The following SYK variants were observed in gnomAD, a reference collection of about 807,000 sequenced individuals.
SYK encodes tyrosine-protein kinase SYK.
Under a neutral mutation model 77.8 loss-of-function variants are expected in SYK, and 16 were observed. The ratio of observed to expected loss-of-function variants is 0.21; its 90% confidence interval spans 0.14 to 0.31. The LOEUF (loss-of-function observed/expected upper bound fraction) is 0.31, where lower values mean the gene tolerates loss of function less well. Among genes scored for constraint, SYK ranks in the 10% least tolerant of loss-of-function variants. The probability of loss-of-function intolerance (pLI) is 1.00; values close to 1 mark genes in which losing one functional copy is unlikely to be tolerated. For synonymous variants in SYK, 312 were observed against 308.7 expected (o/e 1.01, Z -0.11); for missense variants, 529 against 814.4 (o/e 0.65, Z 4.26).
intron 11 of SYK, among the ~76,000 whole-genome samples, chr9:90,879,900 T>A (rs1361619037): frequency 6.6e-6 from 1 of 152,140 alleles, no homozygotes; most frequent in African/African-American, 2.4e-5. Flanking sequence ...AATGAACCAA[T>A]AACAACTAAA....
chr9:90,867,515 T>C (rs1827555020), intron 7 of SYK, among the ~76,000 whole-genome samples: 1 of 152,218 alleles, frequency 6.6e-6, no homozygotes, highest in Non-Finnish European at 1.5e-5. Context: ...TCCGAAAATC[T>C]TTTCAAAGAT....
Position 90,844,246 on chromosome 9 carries a change from G to A in SYK, c.348G>A (p.Lys116=), listed in dbSNP as rs772293286. 6.2e-7 allele frequency: 1 copy of A among 1,614,054 alleles called. No homozygotes were observed. The highest frequency in any genetic ancestry group is 2.2e-5 in the East Asian group (1 of 44,880). The stretch of plus-strand genomic sequence containing the variant: ...ACCGGCCCCAAGGGGTGCAGCCCAA[G>A]ACTGGGCCCTTTGAGGATTTGAAGG... ...PFNRPQGVQP[K]TGPFEDLKEN... Residue 116 remains lysine (K), a synonymous_variant, in exon 2 of 14, where the codon AAG becomes AAA. Transcript: ENST00000375754.
At chr9:90,887,568 G>A (rs956784759) in intron 11 of SYK, among the ~76,000 whole-genome samples, 181 bp from the exon 12 acceptor site, 10 of 151,700 alleles carry the variant, frequency 6.6e-5, no homozygotes, top group Admixed American at 6.6e-4. Flanking sequence ...ACCACACCTG[G>A]CTAATTTTTG....
chr9:90,892,803 C>T (rs1197052890), intron 13 of SYK, among the ~76,000 whole-genome samples: 1 of 152,226 alleles, frequency 6.6e-6, no homozygotes, highest in Non-Finnish European at 1.5e-5. Flanking sequence ...CAGTGGGGGC[C>T]TCTGCCGAAT....
At chr9:90,872,601 G>A (rs1827774340) in intron 7 of SYK, among the ~76,000 whole-genome samples, 1 of 152,216 alleles carries the variant, frequency 6.6e-6, no homozygotes, top group South Asian at 2.1e-4. Flanking sequence ...CCACAGCACA[G>A]TCCTGTAATC....
At chr9:90,813,394 T>A (rs290233) in intron 1 of SYK, among the ~76,000 whole-genome samples, 1 of 151,854 alleles carries the variant, frequency 6.6e-6, no homozygotes, top group South Asian at 2.1e-4. Context: ...GTTTACACTT[T>A]TTAATAAAAT....
intron 3 of SYK, among the ~76,000 whole-genome samples, chr9:90,860,400 A>G (rs1485077152): frequency 1.3e-5 from 2 of 151,580 alleles, no homozygotes; most frequent in African/African-American, 4.9e-5. Flanking sequence ...AAACAGACTC[A>G]GTTCTCTCTT....
At chr9:90,849,723 C>G (rs764553924) in intron 3 of SYK, among the ~76,000 whole-genome samples, 4 of 152,234 alleles carry the variant, frequency 2.6e-5, no homozygotes, top group Non-Finnish European at 5.9e-5. Flanking sequence ...TTCGGGTTGT[C>G]TGGCCTCAAA....
chr9:90,812,776 TGTGA>T (rs896325469), intron 1 of SYK, among the ~76,000 whole-genome samples: 177 of 91,512 alleles, frequency 1.9e-3, no homozygotes, highest in Non-Finnish European at 6.8e-4. Context: ...TGTGTGTGTG[TGTGA>T]GAGAGAGAGA....
chr9:90,876,645 A>G (rs1827947710), intron 9 of SYK, among the ~76,000 whole-genome samples: 1 of 152,196 alleles, frequency 6.6e-6, no homozygotes, highest in South Asian at 2.1e-4. Flanking sequence ...ATGACTGTGG[A>G]CATAATTTCA....
At chr9:90,842,797 GTA>G (rs1826425785) in intron 1 of SYK, among the ~76,000 whole-genome samples, 3 of 149,440 alleles carry the variant, frequency 2.0e-5, no homozygotes, top group Non-Finnish European at 4.5e-5. Context: ...GTGTGTGTGT[GTA>G]CCATGAGGGA....
Position 90,898,167 on chromosome 9 carries a change from C to T in SYK, c.*2567C>T. ...CATCAGGGGCAGGCTGCCCTGGTGG[C>T]ATCACACTGGCTAGTGAGGCCGTGA... On this transcript the variant is annotated 3_prime_UTR_variant, in exon 14 of 14. Transcript: ENST00000375754. 1 of 230,666 alleles carries T rather than the reference C, an allele frequency of 4.3e-6. No individual in the cohort carries two copies. The highest frequency in any genetic ancestry group is 8.6e-6 in the Non-Finnish European group (1 of 116,412). 14.3% of individuals were successfully genotyped at this position (230,666 alleles called of 1,614,324 possible).
At chr9:90,807,759 G>A (rs1335542605) in intron 1 of SYK, among the ~76,000 whole-genome samples, 1 of 152,166 alleles carries the variant, frequency 6.6e-6, no homozygotes, top group Non-Finnish European at 1.5e-5. Flanking sequence ...ATATCCTTTA[G>A]TACAGGATTC....
intron 4 of SYK, among the ~76,000 whole-genome samples, chr9:90,863,839 G>A (rs975281390): frequency 6.6e-6 from 1 of 152,192 alleles, no homozygotes; most frequent in Admixed American, 6.5e-5. Context: ...CATTTTATGT[G>A]TGTGGCGTTC....
chr9:90,842,365 G>A (rs554984235), intron 1 of SYK, among the ~76,000 whole-genome samples: 106 of 150,892 alleles, frequency 7.0e-4, no homozygotes, highest in African/African-American at 2.2e-3. Flanking sequence ...GTGGTGTACC[G>A]TATGTGATGT....
At chr9:90,816,975 A>G (rs77497748) in intron 1 of SYK, among the ~76,000 whole-genome samples, 4,574 of 152,290 alleles carry the variant, frequency 0.03, 245 homozygotes, top group African/African-American at 0.1. Flanking sequence ...TATCTTGGCT[A>G]TTGCGAATAG....
chr9:90,854,999 C>CACATACAT (rs1826966720), intron 3 of SYK, among the ~76,000 whole-genome samples: 1 of 102,320 alleles, frequency 9.8e-6, no homozygotes, highest in Non-Finnish European at 1.9e-5. Flanking sequence ...CTCTCTCACA[C>CACATACAT]ACACACATAC....
intron 2 of SYK, 92 bp downstream of exon 2, chr9:90,844,407 C>A (rs914556980): frequency 1.2e-5 from 16 of 1,339,656 alleles, no homozygotes; most frequent in Non-Finnish European, 1.5e-5. Flanking sequence ...TGCCTATGTG[C>A]CCTGTGTGCC....
intron 1 of SYK, among the ~76,000 whole-genome samples, chr9:90,843,139 C>T (rs188956198): frequency 8.5e-5 from 13 of 152,214 alleles, no homozygotes; most frequent in African/African-American, 2.6e-4. Flanking sequence ...TCTGGAGAAG[C>T]GGGGAGAAGA....
Sources: gnomAD v4.1 joint callset for allele counts (sites outside exome capture counted in the v4.1 genomes callset) on GRCh38, gnomAD v4.1.1 for gene constraint, MANE v1.5 for transcripts, NCBI Gene and HGNC (gene_info 2026-07-23, HGNC 2026-07-21) for gene names.